The following SETD4 variants were observed in gnomAD, a reference collection of about 807,000 sequenced individuals.
SETD4 encodes the protein SET domain containing 4, also known as SET domain-containing protein 4.
In SETD4, 46 loss-of-function variants were observed where a neutral mutation model predicts 58.3. The ratio of observed to expected loss-of-function variants is 0.79; its 90% CI spans 0.62 to 1.01. The LOEUF (loss-of-function observed/expected upper bound fraction) is 1.01. Ranked by LOEUF, SETD4 falls within the 50% of genes least tolerant of loss-of-function variation. The probability of loss-of-function intolerance (pLI) is 0.00; values close to 1 mark genes in which losing one functional copy is unlikely to be tolerated. For synonymous variants in SETD4, 190 were observed against 202.6 expected, an observed-to-expected ratio of 0.94 and a Z score of 0.53; for missense variants, 490 against 523.3, an observed-to-expected ratio of 0.94 and a Z score of 0.62.
rs768227880 is a variant in SETD4, at chr21:36,053,637, A to T, written c.170-17T>A. 69 of 1,613,544 alleles carry T rather than the reference A, an allele frequency of 4.3e-5. No individual in the cohort carries two copies. Among genetic ancestry groups the T allele is most frequent in the Non-Finnish European group, 5.7e-5 (67 of 1,179,560 alleles). On this transcript the variant is annotated splice_polypyrimidine_tract_variant and intron_variant, in intron 3 of 11. Transcript: ENST00000332131. ...TTCCTGTACCTAGGAAAGCAAAGAC[A>T]GAAAGAGAGTAAATCCTACCATAAC...
intron 3 of SETD4, among the ~76,000 whole-genome samples, chr21:36,055,685 G>A (rs760916229): frequency 1.3e-5 from 2 of 152,228 alleles, no homozygotes; most frequent in Non-Finnish European, 2.9e-5. Context: ...CCCCAGAACT[G>A]TAAGCACTGG....
Position 36,038,277 on chromosome 21 carries a change from G to A in SETD4, c.1065-4C>T, listed in dbSNP as rs778991943. 1.1e-5 allele frequency: 18 copies of A among 1,605,350 alleles called. No homozygotes were observed. Among genetic ancestry groups the A allele is most frequent in the Non-Finnish European group, 1.5e-5 (18 of 1,178,018 alleles). On this transcript the variant is annotated splice_region_variant and splice_polypyrimidine_tract_variant and intron_variant, in intron 9 of 11. Coordinates refer to ENST00000332131, the MANE Select transcript of SETD4 (RefSeq NM_017438.5). ...AAGTACTTTTTTCCAGCATGTACTA[G>A]AACCAAAATGTTCCATGACACAATT...
intron 8 of SETD4, among the ~76,000 whole-genome samples, chr21:36,041,020 C>T (rs1020634276): frequency 1.3e-4 from 20 of 151,948 alleles, no homozygotes; most frequent in African/African-American, 4.1e-4. Context: ...ATTAGCTGGG[C>T]GTGGTCGCAG....
At chr21:36,044,102 T>G in intron 6 of SETD4, 146 bp from the exon 7 acceptor site, 1 of 1,028,866 alleles carries the variant, frequency 9.7e-7, no homozygotes, top group Non-Finnish European at 1.4e-6. Context: ...AAAATGCCAC[T>G]TCCGGTTTCA....
At chr21:36,036,049 T>C (rs2063764337) in intron 11 of SETD4, 36 bp downstream of exon 11, 1 of 1,603,072 alleles carries the variant, frequency 6.2e-7, no homozygotes, top group Middle Eastern at 1.7e-4. Context: ...ATTTAGTCCA[T>C]CAAACCTTAG....
Position 36,060,367 on chromosome 21 carries a change from C to G in SETD4, c.-57G>C, listed in dbSNP as rs564778939. On this transcript the variant is annotated 5_prime_UTR_variant, in exon 1 of 12. Transcript: ENST00000332131. ...CTCACCTAGGCGCCGGCGGCCGCTTCCAAGATGGAGGCTGCAGTGGGCGGG... is the reference window on the plus strand; with the variant it reads ...CTCACCTAGGCGCCGGCGGCCGCTTGCAAGATGGAGGCTGCAGTGGGCGGG... 3 of 155,822 alleles carry G rather than the reference C, an allele frequency of 1.9e-5. No homozygotes were observed. In the South Asian group the frequency reaches 6.1e-4, roughly 32 times the overall value. 9.7% of individuals were successfully genotyped at this position (155,822 alleles called of 1,614,324 possible). A position where few individuals can be genotyped will look rare whatever the true frequency, so the allele number is the denominator to read the frequency against.
intron 9 of SETD4, 77 bp from the exon 10 acceptor site, chr21:36,038,350 A>C (rs935305129): frequency 6.6e-7 from 1 of 1,511,442 alleles, no homozygotes; most frequent in East Asian, 2.3e-5. Context: ...TGCAACACAT[A>C]AACTCCTTCT....
intron 10 of SETD4, 122 bp downstream of exon 10, chr21:36,038,028 T>C: frequency 8.8e-7 from 1 of 1,133,028 alleles, no homozygotes; most frequent in Non-Finnish European, 1.2e-6. Flanking sequence ...TACATCAACA[T>C]TTATTTATTT....
At chr21:36,042,452 C>T (rs866116922) in intron 7 of SETD4, 2 of 152,064 alleles carry the variant, frequency 1.3e-5, no homozygotes, top group Admixed American at 6.6e-5. Context: ...ATGAATACTT[C>T]GCGGACATCA....
At chr21:36,050,731 G>C in intron 4 of SETD4, 1 of 1,612,420 alleles carries the variant, frequency 6.2e-7, no homozygotes, top group Non-Finnish European at 8.5e-7. Flanking sequence ...TTCTTGGCTC[G>C]AGATAAGCAC....
At chr21:36,059,018 T>G in intron 1 of SETD4, 94 bp from the exon 2 acceptor site, 2 of 1,346,866 alleles carry the variant, frequency 1.5e-6, no homozygotes, top group Admixed American at 5.3e-5. Flanking sequence ...AGTTATATGA[T>G]AATCACTGTT....
chr21:36,041,234 A>T (rs2835242), intron 8 of SETD4, among the ~76,000 whole-genome samples: 1 of 150,180 alleles, frequency 6.7e-6, no homozygotes, highest in East Asian at 2.0e-4. Flanking sequence ...GCCCATGCAC[A>T]GGAGTTCCCA....
At chr21:36,043,588 C>T in intron 7 of SETD4, 194 bp downstream of exon 7, 1 of 1,400,462 alleles carries the variant, frequency 7.1e-7, no homozygotes, top group Non-Finnish European at 9.2e-7. Flanking sequence ...AAATATCAGT[C>T]AAAACTTCGT....
intron 1 of SETD4, chr21:36,059,667 G>A: frequency 3.3e-6 from 3 of 899,810 alleles, no homozygotes; most frequent in African/African-American, 1.8e-5. Context: ...CAACCTGGGC[G>A]ACAGAGCGAG....
At chr21:36,059,804 T>A (rs2065196741) in intron 1 of SETD4, 1 of 985,354 alleles carries the variant, frequency 1.0e-6, no homozygotes, top group South Asian at 4.7e-5. Context: ...TTCCGCAGTA[T>A]AAGGTTCATT....
chr21:36,045,753 C>T lies in SETD4; in HGVS notation c.555G>A (p.Ala185=), dbSNP rs768902173. Residue 185 remains alanine (A), a synonymous_variant, in exon 6 of 12, where the codon GCG becomes GCA. Transcript: ENST00000332131. ...DFFSSLQPLF[A]EAVDSIFSYS... ...AGCTGAAGATGCTGTCAACAGCCTC[C>T]GCAAACAGAGGCTGCAGAGAAGAGA... The T allele has an allele frequency of 2.5e-5, 41 of 1,614,034 alleles. No individual in the cohort carries two copies. The Middle Eastern group carries it at 8.2e-4, about 32-fold the overall frequency.
At chr21:36,039,651 TCTCA>T (rs1307463815) in intron 9 of SETD4, among the ~76,000 whole-genome samples, 1 of 152,216 alleles carries the variant, frequency 6.6e-6, no homozygotes, top group African/African-American at 2.4e-5. Context: ...CAGATTTGCC[TCTCA>T]GTTTTCCAGT....
At chr21:36,043,412 G>A (rs1568910919) in intron 7 of SETD4, 1 of 976,532 alleles carries the variant, frequency 1.0e-6, no homozygotes, top group African/African-American at 1.8e-5. Flanking sequence ...CACAGTAGGT[G>A]CTTAATAAAT....
intron 4 of SETD4, among the ~76,000 whole-genome samples, chr21:36,051,675 C>CA (rs2064696254): frequency 6.6e-6 from 1 of 151,506 alleles, no homozygotes; most frequent in South Asian, 2.1e-4. Flanking sequence ...GGAACAAATA[C>CA]TTTTTTTTTC....
Sources: allele counts gnomAD v4.1 joint callset (sites outside exome capture counted in the v4.1 genomes callset), GRCh38; gene constraint gnomAD v4.1.1; transcripts MANE v1.5; gene names NCBI Gene and HGNC (gene_info 2026-07-23, HGNC 2026-07-21).